The following NCK2 variants were observed in gnomAD, a reference collection of about 807,000 sequenced individuals.
The protein encoded by NCK2 is cytoplasmic protein NCK2.
A neutral mutation model predicts 33.9 loss-of-function variants in NCK2; 16 were observed. The ratio of observed to expected loss-of-function variants is 0.47; its 90% confidence interval spans 0.32 to 0.72. The LOEUF (loss-of-function observed/expected upper bound fraction) is 0.72, where lower values mean the gene tolerates loss of function less well. Ranked by LOEUF, NCK2 falls within the 30% of genes least tolerant of loss-of-function variation. The probability of loss-of-function intolerance (pLI) is 0.03; values close to 1 mark genes in which losing one functional copy is unlikely to be tolerated. For missense variants in NCK2, 418 were observed against 537.3 expected (o/e 0.78, Z 2.19); for synonymous variants, 273 against 239.9 (o/e 1.14, Z -1.27).
rs11553854 is a variant in NCK2 at position 105,881,509 on chromosome 2, G to A, written c.408G>A (p.Ser136=). 6 of 1,614,014 alleles carry A rather than the reference G, an allele frequency of 3.7e-6. No individual in the cohort carries two copies. The highest frequency in any genetic ancestry group is 1.3e-5 in the African/African-American group (1 of 75,076). ...ATGAGTTGTCCCTGGTGAAGGGGTC[G>A]CGCGTCACCGTCATGGAGAAGTGCA... ...REDELSLVKG[S]RVTVMEKCSD... The change falls in exon 4 of 5, where the codon TCG becomes TCA. Residue 136 remains serine (S), a synonymous_variant. Coordinates refer to ENST00000233154, the MANE Select transcript of NCK2 (RefSeq NM_003581.5).
chr2:105,851,082 A>C (rs1176834356), intron 2 of NCK2, among the ~76,000 whole-genome samples: 2 of 151,802 alleles, frequency 1.3e-5, no homozygotes, highest in African/African-American at 4.8e-5. Context: ...GTGATGGGGC[A>C]CTCTTCCTTC....
intron 4 of NCK2, among the ~76,000 whole-genome samples, chr2:105,885,388 G>A (rs780086558): frequency 3.3e-5 from 5 of 151,998 alleles, no homozygotes; most frequent in South Asian, 4.1e-4. Context: ...TAAAATATAT[G>A]AAAAGTATTT....
chr2:105,756,632 C>T (rs1274166680), intron 1 of NCK2, among the ~76,000 whole-genome samples: 1 of 152,176 alleles, frequency 6.6e-6, no homozygotes, highest in Non-Finnish European at 1.5e-5. Flanking sequence ...GAATGTCAGG[C>T]CCAAGCAGTG....
At chr2:105,747,583 T>C (rs1689327414) in intron 1 of NCK2, among the ~76,000 whole-genome samples, 1 of 152,230 alleles carries the variant, frequency 6.6e-6, no homozygotes, top group East Asian at 1.9e-4. Context: ...AATTGCTTGC[T>C]GGAACTACAG....
chr2:105,801,381 G>C (rs1450793209), intron 1 of NCK2, among the ~76,000 whole-genome samples: 1 of 151,616 alleles, frequency 6.6e-6, no homozygotes, highest in Admixed American at 6.6e-5. Context: ...CCATGTCATC[G>C]TGTGCACCAG....
intron 2 of NCK2, among the ~76,000 whole-genome samples, chr2:105,826,828 G>GTA (rs996821154): frequency 2.0e-5 from 3 of 151,846 alleles, no homozygotes; most frequent in East Asian, 1.9e-4. Context: ...GTATGTGTGT[G>GTA]TATATATATG....
intron 3 of NCK2, among the ~76,000 whole-genome samples, chr2:105,866,466 C>T (rs1407431098): frequency 5.9e-5 from 9 of 152,186 alleles, no homozygotes. Flanking sequence ...TCGTGGAAGA[C>T]AGTTTTTACA....
intron 1 of NCK2, among the ~76,000 whole-genome samples, chr2:105,814,548 G>A (rs190435927): frequency 1.3e-5 from 2 of 152,280 alleles, no homozygotes; most frequent in Admixed American, 1.3e-4. Context: ...TGCGGGGTCT[G>A]GTAGAGAAGC....
chr2:105,859,208 C>A (rs1029472720), intron 3 of NCK2, among the ~76,000 whole-genome samples: 1 of 152,176 alleles, frequency 6.6e-6, no homozygotes, highest in Non-Finnish European at 1.5e-5. Context: ...TTTTTTGTTA[C>A]TACTTTATGA....
chr2:105,784,568 C>T (rs954387236), intron 1 of NCK2, among the ~76,000 whole-genome samples: 3 of 152,192 alleles, frequency 2.0e-5, no homozygotes, highest in Non-Finnish European at 4.4e-5. Flanking sequence ...CAGGTCTTTA[C>T]AATGTAGGTG....
In NCK2 at chr2:105,882,537, G is replaced by C. The variant is rs77374909; in HGVS notation, c.948+488G>C. ...CAAGGTCATTGCCACGGCAGGCAGC[G>C]CCACTGAGTTCATCTCTCAAAAGCT... On this transcript the variant is annotated intron_variant, in intron 4 of 4. Coordinates refer to ENST00000233154, the MANE Select transcript of NCK2 (RefSeq NM_003581.5). Among the ~76,000 whole-genome samples, 603 of 152,240 alleles carry C rather than the reference G, an allele frequency of 4.0e-3. 3 individuals carry two copies. The highest frequency in any genetic ancestry group is 0.014 in the Middle Eastern group (4 of 294).
intron 1 of NCK2, among the ~76,000 whole-genome samples, chr2:105,750,477 A>C (rs996220329): frequency 2.0e-5 from 3 of 152,200 alleles, no homozygotes; most frequent in Admixed American, 1.3e-4. Flanking sequence ...AACAGGGCTG[A>C]TGCTTTTAGG....
chr2:105,818,702 T>C (rs575151431), intron 2 of NCK2, among the ~76,000 whole-genome samples: 1 of 152,322 alleles, frequency 6.6e-6, no homozygotes, highest in South Asian at 2.1e-4. Context: ...AAAAAAACTT[T>C]AATTTGCTTC....
intron 4 of NCK2, among the ~76,000 whole-genome samples, chr2:105,888,032 C>T (rs192662626): frequency 2.8e-4 from 42 of 152,168 alleles, no homozygotes; most frequent in Admixed American, 1.0e-3. Context: ...ACTCTGAGCC[C>T]GGTGTGGGGA....
intron 2 of NCK2, among the ~76,000 whole-genome samples, chr2:105,830,693 G>GTTTGTGTGTGTGTA (rs1553458065): frequency 6.8e-6 from 1 of 147,940 alleles, no homozygotes; most frequent in Non-Finnish European, 1.5e-5. Flanking sequence ...GTGTGTGTGT[G>GTTTGTGTGTGTGTA]TGTGTGTGTG....
chr2:105,852,455 T>C (rs1388421486), intron 2 of NCK2, among the ~76,000 whole-genome samples: 2 of 152,154 alleles, frequency 1.3e-5, no homozygotes, highest in African/African-American at 4.8e-5. Context: ...GATACTGATA[T>C]AATTGGCTTG....
intron 1 of NCK2, among the ~76,000 whole-genome samples, chr2:105,747,773 G>A (rs574584021): frequency 2.0e-5 from 3 of 152,142 alleles, no homozygotes; most frequent in East Asian, 1.9e-4. Flanking sequence ...AATACTTCAC[G>A]GCACGTTTTC....
intron 1 of NCK2, among the ~76,000 whole-genome samples, chr2:105,791,871 G>A (rs1327312800): frequency 6.6e-6 from 1 of 152,148 alleles, no homozygotes; most frequent in African/African-American, 2.4e-5. Context: ...AGATTTTATC[G>A]AGTGAACTGA....
At chr2:105,786,574 G>A (rs534261597) in intron 1 of NCK2, among the ~76,000 whole-genome samples, 5 of 152,278 alleles carry the variant, frequency 3.3e-5, no homozygotes, top group Non-Finnish European at 5.9e-5. Context: ...AGGTAATGCC[G>A]GCCTCGCGCG....
Sources: allele counts gnomAD v4.1 joint callset (sites outside exome capture counted in the v4.1 genomes callset), GRCh38; gene constraint gnomAD v4.1.1; transcripts MANE v1.5; gene names NCBI Gene and HGNC (gene_info 2026-07-23, HGNC 2026-07-21).